Variants in LGR5 observed in about 807,000 individuals in gnomAD.
LGR5 encodes the protein leucine-rich repeat-containing G protein-coupled receptor 5.
Under a neutral mutation model 76.7 loss-of-function variants are expected in LGR5, and 54 were observed. The ratio of observed to expected loss-of-function variants is 0.70; its 90% CI spans 0.57 to 0.88. The LOEUF (loss-of-function observed/expected upper bound fraction) is 0.88. LGR5 is among the 40% of genes least tolerant of loss of function. The probability of loss-of-function intolerance (pLI) is 0.00; values close to 1 mark genes in which losing one functional copy is unlikely to be tolerated. For synonymous variants in LGR5, 406 were observed against 421.9 expected, an observed-to-expected ratio of 0.96 and a Z score of 0.46; for missense variants, 1,078 against 1,073.3, an observed-to-expected ratio of 1.00 and a Z score of -0.06.
intron 1 of LGR5, among the ~76,000 whole-genome samples, chr12:71,483,142 A>G (rs1028603645): frequency 1.3e-5 from 2 of 152,166 alleles, no homozygotes; most frequent in Non-Finnish European, 2.9e-5. Flanking sequence ...TAAAGAAAAA[A>G]ATTAACTCCA....
chr12:71,469,787 G>A (rs1035393427), intron 1 of LGR5, among the ~76,000 whole-genome samples: 3 of 151,916 alleles, frequency 2.0e-5, no homozygotes, highest in African/African-American at 7.3e-5. Context: ...AGGAAGGAAG[G>A]GTTTTTACAG....
At position 71,504,693 on chromosome 12, in the gene LGR5, T is replaced by C. The variant is rs554056259; in HGVS notation, c.284+8T>C. On this transcript the variant is annotated splice_region_variant and intron_variant, in intron 2 of 17. Coordinates refer to ENST00000266674, the MANE Select transcript of LGR5 (RefSeq NM_003667.4). ...CCGCTTCCTGGAGGAGTTGTAAGTA[T>C]CACTGTAGTCTTGATGCATCCAGTC... 14 of 1,603,828 alleles carry C rather than the reference T, an allele frequency of 8.7e-6. No homozygotes were observed. The African/African-American group carries it at 1.3e-4, about 15-fold the overall frequency.
chr12:71,517,824 C>T (rs868598937), intron 2 of LGR5, among the ~76,000 whole-genome samples: 3 of 152,202 alleles, frequency 2.0e-5, no homozygotes, highest in Non-Finnish European at 4.4e-5. Context: ...CATTATACAT[C>T]GCATTTTGGA....
chr12:71,474,098 T>C (rs991592273), intron 1 of LGR5, among the ~76,000 whole-genome samples: 1 of 152,192 alleles, frequency 6.6e-6, no homozygotes, highest in Non-Finnish European at 1.5e-5. Flanking sequence ...CTTATTTGGC[T>C]TTTGAATGTA....
intron 8 of LGR5, among the ~76,000 whole-genome samples, chr12:71,563,820 C>T (rs1050321773): frequency 2.0e-5 from 3 of 152,046 alleles, no homozygotes; most frequent in African/African-American, 7.3e-5. Flanking sequence ...CTGCCTTATG[C>T]ACACAAGCAT....
At position 71,519,461 on chromosome 12, in the gene LGR5, G is replaced by A. The variant is rs551348132; in HGVS notation, c.285-4945G>A. 2.6e-5 allele frequency among the ~76,000 whole-genome samples: 4 copies of A among 151,994 alleles called. No individual in the cohort carries two copies. In the South Asian group the frequency reaches 8.3e-4, roughly 32 times the overall value. On this transcript the variant is annotated intron_variant, in intron 2 of 17. Transcript: ENST00000266674. ...AGAATACCAGCTCCATGAGGTCAGG[G>A]GCTTTATCCTGGTATTCACTGCTGT...
intron 2 of LGR5, among the ~76,000 whole-genome samples, chr12:71,513,889 A>T (rs571542568): frequency 6.6e-6 from 1 of 152,310 alleles, no homozygotes; most frequent in South Asian, 2.1e-4. Flanking sequence ...GCCTTTGGAA[A>T]CAAGATCAAA....
chr12:71,453,404 T>A (rs746699484), intron 1 of LGR5, among the ~76,000 whole-genome samples: 2 of 151,954 alleles, frequency 1.3e-5, no homozygotes, highest in African/African-American at 4.8e-5. Context: ...ACTCCTCAGA[T>A]AGAATTTAAT....
At chr12:71,558,798 C>T (rs749738973) in intron 6 of LGR5, among the ~76,000 whole-genome samples, 1 of 152,026 alleles carries the variant, frequency 6.6e-6, no homozygotes, top group Non-Finnish European at 1.5e-5. Flanking sequence ...CTTTTTCATA[C>T]GAAGATCTAG....
chr12:71,516,073 T>C (rs1875418626), intron 2 of LGR5, among the ~76,000 whole-genome samples: 1 of 152,094 alleles, frequency 6.6e-6, no homozygotes, highest in South Asian at 2.1e-4. Flanking sequence ...TGACATGTTA[T>C]AATAAAGTAA....
intron 3 of LGR5, among the ~76,000 whole-genome samples, chr12:71,530,407 A>G (rs1369527495): frequency 1.3e-5 from 2 of 152,186 alleles, no homozygotes; most frequent in East Asian, 1.9e-4. Context: ...TGTGAGAGTA[A>G]TATTTGTCTG....
At chr12:71,512,472 C>A (rs991208219) in intron 2 of LGR5, among the ~76,000 whole-genome samples, 2 of 152,172 alleles carry the variant, frequency 1.3e-5, no homozygotes, top group African/African-American at 2.4e-5. Context: ...GCCTAGCACA[C>A]TTTTTAAAGC....
chr12:71,506,966 C>T (rs887612567), intron 2 of LGR5, among the ~76,000 whole-genome samples: 28 of 152,020 alleles, frequency 1.8e-4, no homozygotes, highest in African/African-American at 6.3e-4. Flanking sequence ...TTCTGTTAGA[C>T]ATATGCTTAA....
At chr12:71,513,296 G>A (rs894798302) in intron 2 of LGR5, among the ~76,000 whole-genome samples, 3 of 152,180 alleles carry the variant, frequency 2.0e-5, no homozygotes, top group Non-Finnish European at 4.4e-5. Flanking sequence ...AGATTGTGCT[G>A]AATCTGAAAG....
Position 71,584,702 on chromosome 12 carries a change from C to T in LGR5, c.2692C>T (p.Leu898Phe). ...PAYPVTESCH[L>F]SSVAFVPCL ...TTATCCAGTGACTGAGAGCTGCCAT[C>T]TTTCCTCTGTGGCATTTGTCCCATG... is the stretch of plus-strand genomic sequence containing the variant. Residue 898 changes from leucine (L) to phenylalanine (F), a missense_variant, in exon 18 of 18, where the codon CTT becomes TTT. Physicochemically the swap from Leu to Phe is conservative, Grantham distance 22 (BLOSUM62 0). Transcript: ENST00000266674. 6.2e-7 allele frequency: 1 copy of T among 1,612,916 alleles called. No individual in the cohort carries two copies. Among genetic ancestry groups the T allele is most frequent in the Non-Finnish European group, 8.5e-7 (1 of 1,178,970 alleles).
chr12:71,478,172 T>G (rs1291225259), intron 1 of LGR5, among the ~76,000 whole-genome samples: 2 of 152,206 alleles, frequency 1.3e-5, no homozygotes, highest in Non-Finnish European at 2.9e-5. Context: ...ATACTTATTT[T>G]TATATTTTCT....
At chr12:71,498,585 G>T (rs1874441291) in intron 1 of LGR5, among the ~76,000 whole-genome samples, 1 of 152,244 alleles carries the variant, frequency 6.6e-6, no homozygotes, top group Admixed American at 6.5e-5. Context: ...TTTTTGTAAG[G>T]ACACTAATCT....
At chr12:71,512,568 A>T (rs187473560) in intron 2 of LGR5, among the ~76,000 whole-genome samples, 1 of 152,332 alleles carries the variant, frequency 6.6e-6, no homozygotes, top group East Asian at 1.9e-4. Context: ...AAAGCTGTAC[A>T]GGTGGGCTGA....
intron 4 of LGR5, among the ~76,000 whole-genome samples, chr12:71,547,557 C>T (rs956424099): frequency 3.3e-5 from 5 of 152,154 alleles, no homozygotes; most frequent in African/African-American, 1.2e-4. Flanking sequence ...AAAACACATT[C>T]GTATTTTCTC....
Sources: gnomAD v4.1 joint callset for allele counts (sites outside exome capture counted in the v4.1 genomes callset) on GRCh38, gnomAD v4.1.1 for gene constraint, MANE v1.5 for transcripts, NCBI Gene and HGNC (gene_info 2026-07-23, HGNC 2026-07-21) for gene names.